ARL10: variants seen among roughly 807,000 people sequenced by gnomAD.
ARL10 encodes the protein ARF like GTPase 10.
In ARL10, 23 loss-of-function variants were observed where a neutral mutation model predicts 26.1. The ratio of observed to expected loss-of-function variants is 0.88; its 90% confidence interval spans 0.63 to 1.25. The LOEUF (loss-of-function observed/expected upper bound fraction) is 1.25, where lower values mean the gene tolerates loss of function less well. Ranked by LOEUF, ARL10 falls within the 50% of genes most tolerant of loss-of-function variation. ARL10 has a pLI of 0.00. For missense variants in ARL10, 300 were observed against 323.6 expected (o/e 0.93, Z 0.56); for synonymous variants, 138 against 149.1 (o/e 0.93, Z 0.54).
At chr5:176,391,415 C>A (rs1485184639), downstream of ARL10, among the ~76,000 whole-genome samples, 5 of 152,248 alleles carry the variant, frequency 3.3e-5, no homozygotes, top group Non-Finnish European at 5.9e-5. Flanking sequence ...GGAGTTTGCC[C>A]AGCCTGGGTG....
At chr5:176,383,260 G>A (rs1755596442), downstream of ARL10, among the ~76,000 whole-genome samples, 1 of 152,234 alleles carries the variant, frequency 6.6e-6, no homozygotes, top group African/African-American at 2.4e-5. Flanking sequence ...CGAGCGACAA[G>A]AGACAGCTGA....
In ARL10 at chr5:176,368,695, CG is replaced by C; in HGVS notation, c.386-108del. 1.7e-6 allele frequency: 2 copies of C among 1,159,578 alleles called. No homozygotes were observed. Among genetic ancestry groups the C allele is most frequent in the Non-Finnish European group, 2.2e-6 (2 of 909,168 alleles). 71.8% of individuals were successfully genotyped at this position (1,159,578 alleles called of 1,614,324 possible). ...GGGCTGTGGGCAGTGAGCGGGGGCC[CG>C]GGGTGGGGTGGGGGCTGTGGGCAGT... On this transcript the variant is annotated intron_variant, in intron 2 of 3. Coordinates refer to ENST00000310389, the MANE Select transcript of ARL10 (RefSeq NM_173664.6). The surrounding 1 kb of genome is among the most constrained non-coding windows in gnomAD (Gnocchi z 4.1).
chr5:176,401,043 T>C (rs1756794053), intron 1 of ARL10, among the ~76,000 whole-genome samples: 1 of 152,066 alleles, frequency 6.6e-6, no homozygotes, highest in South Asian at 2.1e-4. Flanking sequence ...CCACCCTTAC[T>C]CCTCTCCAGC....
In ARL10 at chr5:176,376,675, T is replaced by C. The variant is rs1033791350; in HGVS notation, c.*4780T>C. 6.6e-6 allele frequency: 1 copy of C among 152,224 alleles called. No homozygotes were observed. Among genetic ancestry groups the C allele is most frequent in the African/African-American group, 2.4e-5 (1 of 41,458 alleles). The allele number at this position is 152,224 out of a possible 1,614,324, so 9.4% of individuals were successfully genotyped here. A position where few individuals can be genotyped will look rare whatever the true frequency, so the allele number is the denominator to read the frequency against. On this transcript the variant is annotated 3_prime_UTR_variant, in exon 4 of 4. Transcript: ENST00000310389. ...TTCATCCACATCTAGGGAAAGCTGTTCATGTCTAGGACGTGATCTGCTTCT... is the reference window on the plus strand; with the variant it reads ...TTCATCCACATCTAGGGAAAGCTGTCCATGTCTAGGACGTGATCTGCTTCT...
downstream of ARL10, chr5:176,384,266 CGAG>C (rs1278227672): frequency 6.2e-7 from 1 of 1,614,196 alleles, no homozygotes. Flanking sequence ...TGCAAAGAAT[CGAG>C]GAAGTCTTGC....
At chr5:176,404,126 G>A (rs1756978651), downstream of ARL10, among the ~76,000 whole-genome samples, 1 of 152,236 alleles carries the variant, frequency 6.6e-6, no homozygotes, top group South Asian at 2.1e-4. Flanking sequence ...CAGCCAGGAA[G>A]TGGCAGAACC....
At chr5:176,392,690 G>A, downstream of ARL10, 1 of 1,488,632 alleles carries the variant, frequency 6.7e-7, no homozygotes, top group Non-Finnish European at 9.2e-7. The surrounding 1 kb of genome is among the most constrained non-coding windows in gnomAD (Gnocchi z 5.2). Context: ...AGCAGCTGCT[G>A]CGAGTCTCCA....
In ARL10 at chr5:176,377,329, C is replaced by T. The variant is rs963013227; in HGVS notation, c.*5434C>T. The T allele has an allele frequency of 1.3e-5, 2 of 152,184 alleles. No homozygotes were observed. Among genetic ancestry groups the T allele is most frequent in the African/African-American group, 4.8e-5 (2 of 41,442 alleles). 9.4% of individuals were successfully genotyped at this position (152,184 alleles called of 1,614,324 possible). A position where few individuals can be genotyped will look rare whatever the true frequency, so the allele number is the denominator to read the frequency against. ...AGGGTGAAAGGGACAATGGTAGTAC[C>T]ACTGTGTTTCTAACACTTTATTTAG... On this transcript the variant is annotated 3_prime_UTR_variant, in exon 4 of 4. Coordinates refer to ENST00000310389, the MANE Select transcript of ARL10 (RefSeq NM_173664.6). This position sits in a 1 kb window ranked among gnomAD's most constrained non-coding sequence, Gnocchi z 4.5.
chr5:176,408,981 G>C, the ARL10 span, among the ~76,000 whole-genome samples: 1 of 151,986 alleles, frequency 6.6e-6, no homozygotes, highest in Non-Finnish European at 1.5e-5. Flanking sequence ...CAAACCTTTA[G>C]TTTTATTTTT....
rs1561794072 is a variant in ARL10 at position 176,399,961 on chromosome 5, G to A, written c.134-1780G>A. Reference sequence around the variant, plus strand: ...AATCCCAGCACTTTGGGAGGCCAAGGTGGGTGCATCACATGAGGTCAGGAG... The same window carrying A: ...AATCCCAGCACTTTGGGAGGCCAAGATGGGTGCATCACATGAGGTCAGGAG... On this transcript the variant is annotated intron_variant, in intron 1 of 1. Transcript: ENST00000514533. Among the ~76,000 whole-genome samples the A allele has an allele frequency of 2.6e-5, 4 of 151,944 alleles. No individual in the cohort carries two copies. In the South Asian group the frequency reaches 8.3e-4, roughly 31 times the overall value.
At chr5:176,406,398 C>G, downstream of ARL10, 1 of 1,152,310 alleles carries the variant, frequency 8.7e-7, no homozygotes, top group South Asian at 1.7e-5. Context: ...TCTGTGGACC[C>G]ACACCAGCCA....
rs2113568405 is a variant in ARL10, at chr5:176,381,705, A to G, written c.*9810A>G. On this transcript the variant is annotated 3_prime_UTR_variant, in exon 4 of 4. Coordinates refer to ENST00000310389, the MANE Select transcript of ARL10 (RefSeq NM_173664.6). ...TTGCAGGGTGTTTACACATTAAGTT[A>G]GGTTATAATTCACTATGTACAGAGG... The G allele has an allele frequency of 6.6e-6, 1 of 152,346 alleles. No homozygotes were observed. The highest frequency in any genetic ancestry group is 6.5e-5 in the Admixed American group (1 of 15,306). The allele number at this position is 152,346 out of a possible 1,614,324, so 9.4% of individuals were successfully genotyped here.
Position 176,371,250 on chromosome 5 carries a change from C to T in ARL10, c.562-472C>T, listed in dbSNP as rs554497144. The stretch of plus-strand genomic sequence containing the variant: ...ATTAGCCAGGCGTGGTGGCTCACAC[C>T]TGTAGTCCCAGCTACTAGGGAGGCT... On this transcript the variant is annotated intron_variant, in intron 3 of 3. Coordinates refer to ENST00000310389, the MANE Select transcript of ARL10 (RefSeq NM_173664.6). Among the ~76,000 whole-genome samples the T allele has an allele frequency of 9.2e-5, 14 of 152,346 alleles. No individual in the cohort carries two copies. The East Asian group carries it at 1.9e-3, about 21-fold the overall frequency.
Position 176,369,060 on chromosome 5 carries a change from T to G in ARL10, c.561+78T>G, listed in dbSNP as rs1453605601. 3.8e-6 allele frequency: 6 copies of G among 1,568,194 alleles called. No homozygotes were observed. The Admixed American group carries it at 1.1e-4, about 29-fold the overall frequency. ...TTGGGCAGGGGCAAGGAGCGCTGCC[T>G]GGGCCCATGGCCTGGAGAGGGTGGC... On this transcript the variant is annotated intron_variant, in intron 3 of 3. Transcript: ENST00000310389.
rs1768642252 is a variant in ARL10, at chr5:176,374,933, G to C, written c.*3038G>C. On this transcript the variant is annotated 3_prime_UTR_variant, in exon 4 of 4. Transcript: ENST00000310389. The stretch of plus-strand genomic sequence containing the variant: ...GAAGCGGCAGCCACCACCGCCTTTT[G>C]AAGCTCTCCATAGTAGTAGAATCAG... 1 of 152,236 alleles carries C rather than the reference G, an allele frequency of 6.6e-6. No homozygotes were observed. Among genetic ancestry groups the C allele is most frequent in the Non-Finnish European group, 1.5e-5 (1 of 68,062 alleles). 9.4% of individuals were successfully genotyped at this position (152,236 alleles called of 1,614,324 possible).
Position 176,378,868 on chromosome 5 carries a change from G to A in ARL10, c.*6973G>A, listed in dbSNP as rs910433592. On this transcript the variant is annotated 3_prime_UTR_variant, in exon 4 of 4. Transcript: ENST00000310389. Reference sequence around the variant, plus strand: ...AGATCGCGCCACTGCACTCCAGCCTGGGCAACAGAGCGAGACTCTGTCTCA... The same window carrying A: ...AGATCGCGCCACTGCACTCCAGCCTAGGCAACAGAGCGAGACTCTGTCTCA... The A allele has an allele frequency of 6.8e-6, 1 of 147,148 alleles. No individual in the cohort carries two copies. The highest frequency in any genetic ancestry group is 1.5e-5 in the Non-Finnish European group (1 of 67,096). The allele number at this position is 147,148 out of a possible 1,614,324, so 9.1% of individuals were successfully genotyped here.
intron 1 of ARL10, among the ~76,000 whole-genome samples, chr5:176,394,819 A>G (rs1424141316): frequency 6.6e-6 from 1 of 152,060 alleles, no homozygotes; most frequent in African/African-American, 2.4e-5. Flanking sequence ...CGTCTTAAAA[A>G]AAAAAAAAAG....
the ARL10 span, among the ~76,000 whole-genome samples, chr5:176,409,167 G>A: frequency 4.0e-5 from 6 of 151,642 alleles, no homozygotes; most frequent in African/African-American, 9.7e-5. Flanking sequence ...GTAGAGGTGC[G>A]GTTTCACCGT....
chr5:176,411,373 C>T, the ARL10 span, among the ~76,000 whole-genome samples: 29 of 152,242 alleles, frequency 1.9e-4, no homozygotes, highest in African/African-American at 6.7e-4. Context: ...TCCCATGGAC[C>T]ACAGTGGCCT....
Sources: gnomAD v4.1 joint callset for allele counts (sites outside exome capture counted in the v4.1 genomes callset) on GRCh38, gnomAD v4.1.1 for gene constraint, Gnocchi (gnomAD v3.1) non-coding constraint, MANE v1.5 for transcripts, NCBI Gene and HGNC (gene_info 2026-07-23, HGNC 2026-07-21) for gene names.